Variants in LY75 observed in about 807,000 individuals in gnomAD.
The protein encoded by LY75 is lymphocyte antigen 75, also known as C-type lectin domain family 13 member B.
In LY75, 185 loss-of-function variants were observed where a neutral mutation model predicts 231.7. The observed-to-expected ratio is 0.80, with a 90% CI of 0.71 to 0.90. The LOEUF (loss-of-function observed/expected upper bound fraction) is 0.90. Ranked by LOEUF, LY75 falls within the 40% of genes least tolerant of loss-of-function variation. LY75 has a pLI of 0.00. For synonymous variants in LY75, 668 were observed against 689.0 expected, an observed-to-expected ratio of 0.97 and a Z score of 0.48; for missense variants, 1,947 against 2,050.2, an observed-to-expected ratio of 0.95 and a Z score of 0.97.
chr2:159,886,324 C>A, intron 5 of LY75, 96 bp downstream of exon 5: 1 of 1,319,592 alleles, frequency 7.6e-7, no homozygotes. Context: ...TAAGAGCTGC[C>A]AAGATGTGAA....
At chr2:159,866,306 C>T (rs917129467) in intron 13 of LY75, among the ~76,000 whole-genome samples, 13 of 151,976 alleles carry the variant, frequency 8.6e-5, no homozygotes, top group Admixed American at 5.3e-4. Flanking sequence ...TAAATAATTG[C>T]TTTTCTTTAT....
chr2:159,885,285 T>G lies in LY75; in HGVS notation c.922A>C (p.Ser308Arg), dbSNP rs750623951. ...CTGGAGCCACCTATAGTAGGTGCAC[T>G]GGGCCTGTCTTAAAAGGGAACATTT... ...NFLNWDPDRP[S>R]APTIGGSSCA... Residue 308 changes from serine (S) to arginine (R), a missense_variant, in exon 6 of 35, where the codon AGT becomes CGT. Physicochemically the swap from Ser to Arg is moderately radical, Grantham distance 110 (BLOSUM62 -1). Coordinates refer to ENST00000263636, the MANE Select transcript of LY75 (RefSeq NM_002349.4). 1 of 1,612,966 alleles carries G rather than the reference T, an allele frequency of 6.2e-7. No individual in the cohort carries two copies.
intron 15 of LY75, among the ~76,000 whole-genome samples, chr2:159,859,864 T>G (rs1445220701): frequency 6.6e-6 from 1 of 152,182 alleles, no homozygotes. Context: ...AGTTAATCAG[T>G]GTTAGCTGCT....
chr2:159,859,599 C>T (rs982757071), intron 15 of LY75, among the ~76,000 whole-genome samples: 3 of 152,196 alleles, frequency 2.0e-5, no homozygotes, highest in Admixed American at 2.0e-4. Flanking sequence ...ACAATTTTCT[C>T]ATAAATCAAT....
intron 33 of LY75, chr2:159,807,996 A>C: frequency 1.1e-6 from 1 of 923,744 alleles, no homozygotes; most frequent in Non-Finnish European, 1.3e-6. Flanking sequence ...ATTAAGACAT[A>C]ATTTTAACCA....
At chr2:159,858,712 A>T (rs895742481) in intron 15 of LY75, among the ~76,000 whole-genome samples, 5 of 152,112 alleles carry the variant, frequency 3.3e-5, no homozygotes, top group African/African-American at 1.2e-4. Context: ...CAAAATGCAA[A>T]TTTTCTCCCC....
chr2:159,827,417 T>C (rs1198480809), intron 28 of LY75, among the ~76,000 whole-genome samples: 1 of 152,204 alleles, frequency 6.6e-6, no homozygotes, highest in East Asian at 1.9e-4. Flanking sequence ...AGATACCATC[T>C]CATGCCAGTT....
intron 32 of LY75, among the ~76,000 whole-genome samples, chr2:159,809,085 A>T (rs189313170): frequency 6.6e-6 from 1 of 152,260 alleles, no homozygotes; most frequent in Non-Finnish European, 1.5e-5. Flanking sequence ...GTATTCAGGT[A>T]TAAAACCGAA....
At chr2:159,863,020 T>G (rs1397091167) in intron 14 of LY75, among the ~76,000 whole-genome samples, 1 of 151,874 alleles carries the variant, frequency 6.6e-6, no homozygotes, top group African/African-American at 2.4e-5. Flanking sequence ...GATCCTTTTT[T>G]TTTTTTTTTA....
At chr2:159,830,305 C>T (rs2556096) in intron 28 of LY75, among the ~76,000 whole-genome samples, 62,069 of 151,946 alleles carry the variant, frequency 0.41, 14,371 homozygotes, top group Non-Finnish European at 0.52. Flanking sequence ...CCCTGGTTAT[C>T]ATTGTCCTGT....
intron 13 of LY75, among the ~76,000 whole-genome samples, chr2:159,868,414 CAG>C (rs547107638): frequency 5.9e-5 from 9 of 152,068 alleles, no homozygotes; most frequent in Non-Finnish European, 1.3e-4. Flanking sequence ...TGTAAGTAAA[CAG>C]AAAGGGTTTA....
chr2:159,854,624 T>C (rs1221435433), intron 17 of LY75, 89 bp from the exon 18 acceptor site: 2 of 1,444,882 alleles, frequency 1.4e-6, no homozygotes, highest in Non-Finnish European at 1.9e-6. Context: ...AAACTATAAA[T>C]AGTAATTCAG....
rs1307807321 is a variant in LY75, at chr2:159,882,224, C to T, written c.1146G>A (p.Trp382Ter). 3 of 1,613,862 alleles carry T rather than the reference C, an allele frequency of 1.9e-6. No individual in the cohort carries two copies. Among genetic ancestry groups the T allele is most frequent in the Admixed American group, 1.7e-5 (1 of 59,964 alleles). ...CYLLVNESNS[W>*]DKAHAKCKAF... is the part of the protein sequence containing the mutation. ...CTTTGCATTTCGCATGTGCCTTATCCCAGGAATTACTTTCATTTACCAGCA... is the reference window on the plus strand; with the variant it reads ...CTTTGCATTTCGCATGTGCCTTATCTCAGGAATTACTTTCATTTACCAGCA... The change falls in exon 7 of 35, where the codon TGG (tryptophan) becomes TGA (stop). Residue 382 changes from tryptophan to a stop codon, truncating the protein, a stop_gained. Coordinates refer to ENST00000263636, the MANE Select transcript of LY75 (RefSeq NM_002349.4). LOFTEE classifies it high-confidence loss of function.
intron 16 of LY75, 65 bp from the exon 17 acceptor site, chr2:159,855,004 G>A (rs1684508716): frequency 1.1e-5 from 17 of 1,596,292 alleles, no homozygotes; most frequent in African/African-American, 8.0e-5. Context: ...CTATAAGTAC[G>A]GCCTTTAATG....
chr2:159,880,023 C>G (rs942176660), intron 8 of LY75, among the ~76,000 whole-genome samples: 5 of 152,202 alleles, frequency 3.3e-5, no homozygotes, highest in Non-Finnish European at 7.4e-5. Context: ...CATGGGAACA[C>G]TTTTCCATTT....
chr2:159,814,057 A>G (rs1683044268), intron 31 of LY75: 1 of 152,178 alleles, frequency 6.6e-6, no homozygotes, highest in Non-Finnish European at 1.5e-5. Context: ...GAATCTGTTC[A>G]ACCAAATGTT....
At chr2:159,893,862 C>T in intron 3 of LY75, 52 bp downstream of exon 3, 1 of 1,537,222 alleles carries the variant, frequency 6.5e-7, no homozygotes, top group Non-Finnish European at 8.7e-7. Flanking sequence ...CTCCCTATTG[C>T]CTCATATAAA....
intron 3 of LY75, among the ~76,000 whole-genome samples, chr2:159,891,148 G>T (rs775861277): frequency 6.6e-6 from 1 of 151,284 alleles, no homozygotes; most frequent in Non-Finnish European, 1.5e-5. Flanking sequence ...GGCTCCAACT[G>T]GGGGACTTTC....
intron 12 of LY75, among the ~76,000 whole-genome samples, chr2:159,874,681 ATG>A (rs1685180571): frequency 8.0e-5 from 1 of 12,548 alleles, no homozygotes; most frequent in East Asian, 2.0e-3. Context: ...TTGTAAATAT[ATG>A]TAAATATATA....
Sources: gnomAD v4.1 joint callset for allele counts (sites outside exome capture counted in the v4.1 genomes callset) on GRCh38, gnomAD v4.1.1 for gene constraint, MANE v1.5 for transcripts, NCBI Gene and HGNC (gene_info 2026-07-23, HGNC 2026-07-21) for gene names.